Variants in GLIS3 observed in about 807,000 individuals in gnomAD.
The protein encoded by GLIS3 is zinc finger protein GLIS3.
GLIS3 carries 53 observed loss-of-function variants against 78.6 expected under a neutral mutation model. That is an observed-to-expected ratio of 0.67 (90% CI 0.54 to 0.85). The LOEUF (loss-of-function observed/expected upper bound fraction) is 0.85, where lower values mean the gene tolerates loss of function less well. Ranked by LOEUF, GLIS3 falls within the 40% of genes least tolerant of loss-of-function variation. GLIS3 has a pLI of 0.00. For missense variants in GLIS3, 1,703 were observed against 1,231.1 expected (o/e 1.38, Z -5.74); for synonymous variants, 684 against 509.9 (o/e 1.34, Z -4.60).
intron 2 of GLIS3, among the ~76,000 whole-genome samples, chr9:4,146,359 A>C (rs1432726090): frequency 6.6e-6 from 1 of 152,226 alleles, no homozygotes; most frequent in Non-Finnish European, 1.5e-5. Flanking sequence ...CATGTAACTC[A>C]AAACTATTTT....
At chr9:4,296,990 G>C (rs1052357866) in intron 1 of GLIS3, among the ~76,000 whole-genome samples, 3 of 151,288 alleles carry the variant, frequency 2.0e-5, no homozygotes, top group African/African-American at 4.9e-5. Flanking sequence ...GACCTTCATC[G>C]TGGCGGATTC....
intron 4 of GLIS3, among the ~76,000 whole-genome samples, chr9:4,060,533 T>C (rs1826559680): frequency 6.6e-6 from 1 of 152,138 alleles, no homozygotes; most frequent in Non-Finnish European, 1.5e-5. Flanking sequence ...CCCTCATGAA[T>C]GATGGGTTAA....
chr9:4,350,591 G>C (rs1415213940), upstream of GLIS3, among the ~76,000 whole-genome samples: 5 of 151,870 alleles, frequency 3.3e-5, no homozygotes, highest in East Asian at 9.7e-4. Flanking sequence ...TCTCTATTTT[G>C]GGGTGGGGAT....
chr9:4,477,677 G>C, the GLIS3 span, among the ~76,000 whole-genome samples: 1 of 152,112 alleles, frequency 6.6e-6, no homozygotes, highest in African/African-American at 2.4e-5. Flanking sequence ...GCCTCCCAAA[G>C]TGCTGGGATT....
chr9:3,867,501 T>G (rs1820663857), intron 8 of GLIS3, among the ~76,000 whole-genome samples: 1 of 152,240 alleles, frequency 6.6e-6, no homozygotes, highest in African/African-American at 2.4e-5. Context: ...GCTTAAAGAC[T>G]GGCTGGCCAT....
intron 9 of GLIS3, among the ~76,000 whole-genome samples, chr9:3,849,485 C>T (rs1282828847): frequency 1.3e-5 from 2 of 152,202 alleles, no homozygotes; most frequent in Non-Finnish European, 2.9e-5. Context: ...TATCAGCATT[C>T]ATGCTGTGAC....
chr9:4,317,953 T>G (rs1817465749), intron 2 of GLIS3, among the ~76,000 whole-genome samples: 1 of 152,124 alleles, frequency 6.6e-6, no homozygotes. Flanking sequence ...TAAATAATAT[T>G]AAAAAAGCAC....
At chr9:3,926,438 G>C (rs1229137775) in intron 6 of GLIS3, among the ~76,000 whole-genome samples, 1 of 151,712 alleles carries the variant, frequency 6.6e-6, no homozygotes, top group Non-Finnish European at 1.5e-5. Flanking sequence ...CACCATATTA[G>C]CCAGGATGGT....
At chr9:4,021,784 T>A (rs1237995658) in intron 4 of GLIS3, among the ~76,000 whole-genome samples, 4 of 152,194 alleles carry the variant, frequency 2.6e-5, no homozygotes, top group African/African-American at 7.2e-5. Flanking sequence ...CCAAGCTTCC[T>A]GAAATTTTTC....
At chr9:4,028,258 A>G (rs1429724145) in intron 4 of GLIS3, among the ~76,000 whole-genome samples, 1 of 152,030 alleles carries the variant, frequency 6.6e-6, no homozygotes, top group Non-Finnish European at 1.5e-5. Flanking sequence ...AACATACATC[A>G]CTTCGCAGGA....
chr9:4,185,664 G>A (rs909020162), intron 2 of GLIS3, among the ~76,000 whole-genome samples: 13 of 152,186 alleles, frequency 8.5e-5, no homozygotes, highest in African/African-American at 2.7e-4. Context: ...GTTTGAAGAA[G>A]GGAATCAGTC....
chr9:3,879,732 C>T (rs905559400), intron 7 of GLIS3, 137 bp from the exon 8 acceptor site: 14 of 879,702 alleles, frequency 1.6e-5, no homozygotes, highest in African/African-American at 1.5e-4. Context: ...ACAGTTCTCC[C>T]CTTCTTGGGT....
At chr9:3,981,430 G>T (rs910649258) in intron 4 of GLIS3, among the ~76,000 whole-genome samples, 1 of 152,100 alleles carries the variant, frequency 6.6e-6, no homozygotes, top group African/African-American at 2.4e-5. Flanking sequence ...TTCAAAATGT[G>T]CCTCTTCACC....
At chr9:4,130,281 G>C (rs919554091) in intron 2 of GLIS3, among the ~76,000 whole-genome samples, 3 of 152,234 alleles carry the variant, frequency 2.0e-5, no homozygotes, top group African/African-American at 7.2e-5. Flanking sequence ...GTTTTCAGGA[G>C]AGGAATTCAA....
At chr9:4,110,164 A>C (rs1231417148) in intron 4 of GLIS3, among the ~76,000 whole-genome samples, 1 of 152,238 alleles carries the variant, frequency 6.6e-6, no homozygotes, top group South Asian at 2.1e-4. Context: ...TGAACACATC[A>C]GTACACATAC....
the GLIS3 span, among the ~76,000 whole-genome samples, chr9:4,453,345 C>CAAAAAAAAA: frequency 4.3e-4 from 39 of 91,624 alleles, no homozygotes; most frequent in South Asian, 9.4e-4. Flanking sequence ...TTCTGCACAG[C>CAAAAAAAAA]AAAAAAAAAA....
chr9:3,896,104 T>C (rs1049476431), intron 7 of GLIS3, among the ~76,000 whole-genome samples: 6 of 152,238 alleles, frequency 3.9e-5, no homozygotes, highest in Non-Finnish European at 5.9e-5. Context: ...TTGATGAAGT[T>C]TCCTTTTGCA....
intron 8 of GLIS3, among the ~76,000 whole-genome samples, chr9:3,875,118 T>C (rs775034594): frequency 2.6e-5 from 4 of 152,238 alleles, no homozygotes; most frequent in Non-Finnish European, 4.4e-5. Context: ...ATGAAACTCA[T>C]TGAATTAACA....
chr9:4,369,825 CA>C, the GLIS3 span, among the ~76,000 whole-genome samples: 1 of 151,084 alleles, frequency 6.6e-6, no homozygotes, highest in Non-Finnish European at 1.5e-5. Flanking sequence ...TGTTCATGGC[CA>C]AAAAAAATAA....
Sources: allele counts gnomAD v4.1 joint callset (sites outside exome capture counted in the v4.1 genomes callset), GRCh38; gene constraint gnomAD v4.1.1; transcripts MANE v1.5; gene names NCBI Gene and HGNC (gene_info 2026-07-23, HGNC 2026-07-21).